NAALADL2: variants seen among roughly 807,000 people sequenced by gnomAD.
NAALADL2 encodes N-acetylated alpha-linked acidic dipeptidase like 2.
Under a neutral mutation model 87.2 loss-of-function variants are expected in NAALADL2, and 76 were observed. The observed-to-expected ratio is 0.87, with a 90% CI of 0.72 to 1.05. The LOEUF (loss-of-function observed/expected upper bound fraction) is 1.05, where lower values mean the gene tolerates loss of function less well. NAALADL2 is among the 50% of genes least tolerant of loss of function. NAALADL2 has a pLI of 0.00. For synonymous variants in NAALADL2, 354 were observed against 331.0 expected (o/e 1.07, Z -0.75); for missense variants, 1,089 against 945.8 (o/e 1.15, Z -1.99).
intron 5 of NAALADL2, among the ~76,000 whole-genome samples, chr3:175,369,239 T>C (rs1240958739): frequency 2.0e-5 from 3 of 152,092 alleles, no homozygotes; most frequent in Admixed American, 2.0e-4. Context: ...AGTATGTGTG[T>C]GCCTGTGTGC....
chr3:175,654,179 G>A (rs1014874710), intron 11 of NAALADL2, among the ~76,000 whole-genome samples: 3 of 152,238 alleles, frequency 2.0e-5, no homozygotes, highest in East Asian at 1.9e-4. Context: ...TTAGCGTATC[G>A]TTTCTTTCCT....
intron 5 of NAALADL2, among the ~76,000 whole-genome samples, chr3:175,433,667 G>T (rs1718150409): frequency 6.6e-6 from 1 of 151,902 alleles, no homozygotes; most frequent in Admixed American, 6.6e-5. Context: ...AGTAGGCAAA[G>T]CATTACCTTA....
chr3:175,030,290 T>C lies in NAALADL2; in HGVS notation c.44-66500T>C, dbSNP rs187369466. 4.6e-5 allele frequency among the ~76,000 whole-genome samples: 7 copies of C among 152,260 alleles called. No individual in the cohort carries two copies. In the East Asian group the frequency reaches 7.7e-4, roughly 17 times the overall value. Reference sequence around the variant, plus strand: ...TTCAGTTCCATTAAGTTTTCTGTTATAGACATTACTTCTGTGTACAAGTTG... The same window carrying C: ...TTCAGTTCCATTAAGTTTTCTGTTACAGACATTACTTCTGTGTACAAGTTG... On this transcript the variant is annotated intron_variant, in intron 1 of 13. Coordinates refer to ENST00000454872, the MANE Select transcript of NAALADL2 (RefSeq NM_207015.3).
chr3:175,764,397 T>C (rs1390953461), intron 13 of NAALADL2, among the ~76,000 whole-genome samples: 2 of 152,130 alleles, frequency 1.3e-5, no homozygotes, highest in Non-Finnish European at 2.9e-5. Flanking sequence ...TGTATATACA[T>C]GTGCATGCCT....
At chr3:175,377,855 C>T (rs76763518) in intron 5 of NAALADL2, among the ~76,000 whole-genome samples, 22,653 of 152,064 alleles carry the variant, frequency 0.15, 1,843 homozygotes, top group African/African-American at 0.19. Context: ...TGGAGACTTC[C>T]GGACTTCAGG....
chr3:174,856,798 A>C (rs1379044586), upstream of NAALADL2, among the ~76,000 whole-genome samples: 1 of 141,038 alleles, frequency 7.1e-6, no homozygotes, highest in Non-Finnish European at 1.5e-5. Flanking sequence ...TGAAGAAGGA[A>C]AGAGAAATCT....
chr3:174,522,365 G>T (rs1720355997), intron 1 of NAALADL2, among the ~76,000 whole-genome samples: 1 of 152,080 alleles, frequency 6.6e-6, no homozygotes, highest in Non-Finnish European at 1.5e-5. Flanking sequence ...TGAGACTAGT[G>T]TCCTATAAAA....
chr3:175,575,217 T>C (rs1560783792), intron 9 of NAALADL2, among the ~76,000 whole-genome samples: 1 of 152,200 alleles, frequency 6.6e-6, no homozygotes, highest in Non-Finnish European at 1.5e-5. Context: ...TTAAAACATC[T>C]AGGAATATGC....
At chr3:175,565,681 A>G (rs1449032407) in intron 9 of NAALADL2, among the ~76,000 whole-genome samples, 1 of 151,926 alleles carries the variant, frequency 6.6e-6, no homozygotes, top group Non-Finnish European at 1.5e-5. Flanking sequence ...TGCATTTTTG[A>G]TGGTCCCAAA....
chr3:175,208,786 G>A (rs553346924), intron 2 of NAALADL2, among the ~76,000 whole-genome samples: 5 of 152,140 alleles, frequency 3.3e-5, no homozygotes, highest in Non-Finnish European at 7.4e-5. Context: ...GCCAGAACAA[G>A]TTTAATAGAT....
At chr3:175,020,800 A>G (rs1237356176) in intron 1 of NAALADL2, among the ~76,000 whole-genome samples, 1 of 151,968 alleles carries the variant, frequency 6.6e-6, no homozygotes, top group Non-Finnish European at 1.5e-5. Flanking sequence ...AATTTACCGT[A>G]CTGGGCCCTG....
intron 1 of NAALADL2, among the ~76,000 whole-genome samples, chr3:174,900,765 A>G (rs1002937540): frequency 2.0e-5 from 3 of 152,118 alleles, no homozygotes; most frequent in Admixed American, 1.3e-4. Flanking sequence ...ACTTAAAAAA[A>G]TTAACATTGT....
intron 3 of NAALADL2, among the ~76,000 whole-genome samples, chr3:174,813,523 T>G (rs939007053): frequency 5.3e-5 from 8 of 152,226 alleles, no homozygotes; most frequent in South Asian, 2.1e-4. Context: ...CCATGTAGTT[T>G]AGGTAGTTAG....
At chr3:174,770,111 C>T (rs890356702) in intron 3 of NAALADL2, among the ~76,000 whole-genome samples, 1 of 152,140 alleles carries the variant, frequency 6.6e-6, no homozygotes, top group East Asian at 1.9e-4. Flanking sequence ...GTAACTCTTA[C>T]AGACACTCAT....
At chr3:175,605,660 T>C (rs1723635379) in intron 10 of NAALADL2, among the ~76,000 whole-genome samples, 1 of 149,462 alleles carries the variant, frequency 6.7e-6, no homozygotes, top group Non-Finnish European at 1.5e-5. Flanking sequence ...TTTTTTTAAC[T>C]GTATTTAGAT....
At chr3:175,744,145 G>T (rs1242512707) in intron 12 of NAALADL2, among the ~76,000 whole-genome samples, 1 of 152,164 alleles carries the variant, frequency 6.6e-6, no homozygotes, top group Non-Finnish European at 1.5e-5. Flanking sequence ...GAATAGGCCA[G>T]GGAAATTAAT....
At chr3:174,943,770 G>C (rs1299229335) in intron 1 of NAALADL2, among the ~76,000 whole-genome samples, 5 of 152,134 alleles carry the variant, frequency 3.3e-5, no homozygotes, top group Non-Finnish European at 7.4e-5. Flanking sequence ...AGATTGACTG[G>C]CCTCTTCTAC....
intron 1 of NAALADL2, among the ~76,000 whole-genome samples, chr3:174,443,636 C>A (rs1202574923): frequency 1.3e-5 from 2 of 152,136 alleles, no homozygotes; most frequent in Non-Finnish European, 2.9e-5. Context: ...AGATTGAATG[C>A]ATCAAAAGTG....
chr3:175,326,390 A>T (rs544176900), intron 5 of NAALADL2, among the ~76,000 whole-genome samples: 1 of 152,270 alleles, frequency 6.6e-6, no homozygotes, highest in South Asian at 2.1e-4. Context: ...ACCTCACCAG[A>T]ATTGCTGTTA....
Sources: gnomAD v4.1 joint callset for allele counts (sites outside exome capture counted in the v4.1 genomes callset) on GRCh38, gnomAD v4.1.1 for gene constraint, MANE v1.5 for transcripts, NCBI Gene and HGNC (gene_info 2026-07-23, HGNC 2026-07-21) for gene names.